ENTREP2: variants seen among roughly 807,000 people sequenced by gnomAD.
The protein encoded by ENTREP2 is protein ENTREP2.
the ENTREP2 span, among the ~76,000 whole-genome samples, chr15:29,657,418 C>G: frequency 7.4e-6 from 1 of 135,058 alleles, no homozygotes; most frequent in Non-Finnish European, 1.5e-5. Context: ...TATAAAGAAG[C>G]AAAGGACAAA....
chr15:29,215,415 C>G, the ENTREP2 span, among the ~76,000 whole-genome samples: 1 of 152,024 alleles, frequency 6.6e-6, no homozygotes, highest in Admixed American at 6.6e-5. Flanking sequence ...AGCCTCCCAG[C>G]CTACATCTTT....
chr15:29,354,970 C>T, the ENTREP2 span, among the ~76,000 whole-genome samples: 57 of 152,258 alleles, frequency 3.7e-4, no homozygotes, highest in African/African-American at 1.3e-3. Context: ...CCCTGTTTTC[C>T]ACTGGGTTCA....
the ENTREP2 span, among the ~76,000 whole-genome samples, chr15:29,293,396 C>A: frequency 6.6e-6 from 1 of 151,700 alleles, no homozygotes; most frequent in Admixed American, 6.6e-5. Flanking sequence ...TACAGGCGCC[C>A]GCCACCATGC....
At chr15:29,159,462 C>G in the ENTREP2 span, among the ~76,000 whole-genome samples, 1 of 152,190 alleles carries the variant, frequency 6.6e-6, no homozygotes, top group African/African-American at 2.4e-5. Flanking sequence ...CTACTGCTAG[C>G]TTGGGCAGCC....
the ENTREP2 span, among the ~76,000 whole-genome samples, chr15:29,315,566 T>C: frequency 1.3e-5 from 2 of 152,182 alleles, no homozygotes; most frequent in South Asian, 4.1e-4. Flanking sequence ...TCAGAACTGA[T>C]TCCAAATAGA....
the ENTREP2 span, among the ~76,000 whole-genome samples, chr15:29,564,418 C>A: frequency 6.6e-6 from 1 of 152,188 alleles, no homozygotes. Context: ...CCTATTTTCT[C>A]TCGCCATCTG....
chr15:29,120,981 T>A, the ENTREP2 span: 4 of 152,380 alleles, frequency 2.6e-5, no homozygotes, highest in East Asian at 7.7e-4. Flanking sequence ...TGGACCCTCC[T>A]AGAGTCCATG....
At chr15:29,327,345 T>G in the ENTREP2 span, among the ~76,000 whole-genome samples, 301 of 152,178 alleles carry the variant, frequency 2.0e-3, 2 homozygotes, top group African/African-American at 7.0e-3. Flanking sequence ...ATCCCAGCAC[T>G]TTACTTTGGG....
the ENTREP2 span, among the ~76,000 whole-genome samples, chr15:29,428,784 T>C: frequency 4.6e-5 from 7 of 152,120 alleles, no homozygotes; most frequent in African/African-American, 7.2e-5. Context: ...GGAAACGGCA[T>C]CCCATTTAGA....
chr15:29,134,990 C>A, the ENTREP2 span, among the ~76,000 whole-genome samples: 1 of 151,966 alleles, frequency 6.6e-6, no homozygotes, highest in Non-Finnish European at 1.5e-5. Context: ...GATAACCATC[C>A]GGGGCTCCAC....
the ENTREP2 span, among the ~76,000 whole-genome samples, chr15:29,243,507 T>C: frequency 6.6e-6 from 1 of 152,182 alleles, no homozygotes; most frequent in Non-Finnish European, 1.5e-5. Context: ...GTATTATTAC[T>C]GTTACTCAAC....
the ENTREP2 span, among the ~76,000 whole-genome samples, chr15:29,192,478 A>C: frequency 6.6e-6 from 1 of 152,208 alleles, no homozygotes; most frequent in African/African-American, 2.4e-5. Flanking sequence ...GCAAATTCCC[A>C]ACTTAAGGTG....
chr15:29,464,733 G>A, the ENTREP2 span, among the ~76,000 whole-genome samples: 16 of 152,282 alleles, frequency 1.1e-4, no homozygotes, highest in East Asian at 1.9e-4. Flanking sequence ...CCCCTGGGCA[G>A]GGGGCAGCGA....
chr15:29,225,645 G>A, the ENTREP2 span, among the ~76,000 whole-genome samples: 1 of 152,208 alleles, frequency 6.6e-6, no homozygotes, highest in African/African-American at 2.4e-5. Flanking sequence ...CTGCCTGGCA[G>A]GTGCAAAGTC....
chr15:29,287,466 C>A, the ENTREP2 span, among the ~76,000 whole-genome samples: 7 of 151,382 alleles, frequency 4.6e-5, no homozygotes, highest in Admixed American at 3.3e-4. Context: ...TAAGCCATTA[C>A]CTTTTGAGGT....
chr15:29,573,697 C>T, the ENTREP2 span, among the ~76,000 whole-genome samples: 1 of 151,438 alleles, frequency 6.6e-6, no homozygotes, highest in Non-Finnish European at 1.5e-5. Flanking sequence ...CTGTCTTTCC[C>T]CCACCCCTCT....
chr15:29,547,082 T>C, the ENTREP2 span, among the ~76,000 whole-genome samples: 1 of 138,514 alleles, frequency 7.2e-6, no homozygotes, highest in Non-Finnish European at 1.5e-5. Context: ...AAACTACATA[T>C]TGACTCAATT....
At chr15:29,535,175 A>G in the ENTREP2 span, among the ~76,000 whole-genome samples, 1 of 152,132 alleles carries the variant, frequency 6.6e-6, no homozygotes, top group African/African-American at 2.4e-5. Flanking sequence ...GCTTGAGCCC[A>G]GGAGTTCAAG....
the ENTREP2 span, among the ~76,000 whole-genome samples, chr15:29,369,598 C>G: frequency 9.5e-5 from 10 of 104,942 alleles, no homozygotes; most frequent in Admixed American, 1.8e-4. Flanking sequence ...ATTAAACACA[C>G]ACACACACAC....
Sources: allele counts gnomAD v4.1 joint callset (sites outside exome capture counted in the v4.1 genomes callset), GRCh38; gene constraint gnomAD v4.1.1; transcripts MANE v1.5; gene names NCBI Gene and HGNC (gene_info 2026-07-23, HGNC 2026-07-21).